The following PHEX variants were observed in gnomAD, a reference collection of about 807,000 sequenced individuals.
The protein encoded by PHEX is phosphate-regulating neutral endopeptidase PHEX.
A neutral mutation model predicts 68.0 loss-of-function variants in PHEX; 16 were observed. That is an observed-to-expected ratio of 0.24 (90% CI 0.16 to 0.36). The LOEUF (loss-of-function observed/expected upper bound fraction) is 0.36. PHEX is among the 10% of genes least tolerant of loss of function. The probability of loss-of-function intolerance (pLI) is 1.00; values close to 1 mark genes in which losing one functional copy is unlikely to be tolerated. For synonymous variants in PHEX, 208 were observed against 205.1 expected, an observed-to-expected ratio of 1.01 and a Z score of -0.12; for missense variants, 480 against 575.5, an observed-to-expected ratio of 0.83 and a Z score of 1.70.
intron 18 of PHEX, among the ~76,000 whole-genome samples, chrX:22,225,163 G>A (rs1021221806): frequency 3.7e-5 from 4 of 107,291 alleles, no homozygotes; most frequent in Admixed American, 1.0e-4. Context: ...AGCACTGGCC[G>A]GTGGAGTCTT....
chrX:22,153,132 T>C (rs1430788725), intron 12 of PHEX, among the ~76,000 whole-genome samples: 1 of 110,810 alleles, frequency 9.0e-6, no homozygotes, highest in Non-Finnish European at 1.9e-5. Flanking sequence ...ATTGGGACTA[T>C]AGGCATGCAC....
Position 22,065,941 on chromosome X carries a change from A to G in PHEX, c.350-10447A>G, listed in dbSNP as rs182800667. Among the ~76,000 whole-genome samples the G allele has an allele frequency of 4.4e-3, 494 of 111,713 alleles. 1 individual carries two copies. The highest frequency in any genetic ancestry group is 0.015 in the South Asian group (40 of 2,688). ...ACAGATTATGGGTCTCTCATTTCAA[A>G]TGTCTCCAGTTTTAACCCCGGCGGA... On this transcript the variant is annotated intron_variant, in intron 3 of 21. Coordinates refer to ENST00000379374, the MANE Select transcript of PHEX (RefSeq NM_000444.6).
At chrX:22,123,587 C>G (rs185181733) in intron 11 of PHEX, among the ~76,000 whole-genome samples, 26 of 111,160 alleles carry the variant, frequency 2.3e-4, no homozygotes, top group African/African-American at 7.8e-4. Context: ...GTGGCAACTT[C>G]TGCATTTAGA....
In PHEX at chrX:22,154,244, C is replaced by T. The variant is rs773773359; in HGVS notation, c.1405-14068C>T. ...GAGTTTTCTACATAAAGTGCACCTA[C>T]TAGCTTAGTAGTGGTGACTATTAGT... is the stretch of plus-strand genomic sequence containing the variant. On this transcript the variant is annotated intron_variant, in intron 12 of 21. Coordinates refer to ENST00000379374, the MANE Select transcript of PHEX (RefSeq NM_000444.6). Among the ~76,000 whole-genome samples the T allele has an allele frequency of 3.6e-5, 4 of 111,892 alleles. No homozygotes were observed. The South Asian group carries it at 1.5e-3, about 42-fold the overall frequency.
chrX:22,118,394 G>T (rs151076303), intron 11 of PHEX, among the ~76,000 whole-genome samples: 1,749 of 103,040 alleles, frequency 0.017, 77 homozygotes, highest in African/African-American at 0.06. Flanking sequence ...AGCAGGCCAG[G>T]CCAGTTGACA....
At chrX:22,080,970 C>T (rs747750347) in intron 5 of PHEX, among the ~76,000 whole-genome samples, 105 of 111,824 alleles carry the variant, frequency 9.4e-4, no homozygotes, top group Non-Finnish European at 1.8e-3. Flanking sequence ...AGGTTCCGAA[C>T]CTACTCTTCA....
At chrX:22,125,958 A>G (rs1213015093) in intron 11 of PHEX, among the ~76,000 whole-genome samples, 3 of 111,313 alleles carry the variant, frequency 2.7e-5, no homozygotes, top group Admixed American at 9.6e-5. Flanking sequence ...CTGTTAGCAT[A>G]TATGAAAGAT....
chrX:22,035,569 T>C (rs761187210), intron 1 of PHEX, among the ~76,000 whole-genome samples: 1 of 112,505 alleles, frequency 8.9e-6, no homozygotes, highest in Non-Finnish European at 1.9e-5. Flanking sequence ...TTTTCCTTTT[T>C]ATTTTTCCTG....
At chrX:22,123,038 G>A (rs1441104462) in intron 11 of PHEX, among the ~76,000 whole-genome samples, 1 of 99,026 alleles carries the variant, frequency 1.0e-5, no homozygotes, top group Non-Finnish European at 2.0e-5. Context: ...CCCCCAGGCT[G>A]GAGTGCAGTG....
chrX:22,188,600 T>C (rs1934104337), intron 14 of PHEX, among the ~76,000 whole-genome samples: 1 of 112,303 alleles, frequency 8.9e-6, no homozygotes, highest in African/African-American at 3.2e-5. Flanking sequence ...GTTTTTTGTT[T>C]TTGTTTTTTA....
intron 3 of PHEX, among the ~76,000 whole-genome samples, chrX:22,073,957 A>G (rs1252818899): frequency 1.8e-5 from 2 of 110,760 alleles, no homozygotes; most frequent in East Asian, 5.7e-4. Flanking sequence ...ATGAACTGCT[A>G]TTGTCCTTTG....
At chrX:22,067,458 G>A (rs775706520) in intron 3 of PHEX, among the ~76,000 whole-genome samples, 4 of 111,594 alleles carry the variant, frequency 3.6e-5, no homozygotes, top group African/African-American at 1.3e-4. Context: ...TGCAAGGAGG[G>A]TGTTTCCAAA....
intron 3 of PHEX, among the ~76,000 whole-genome samples, chrX:22,057,379 AG>A (rs1459125261): frequency 1.8e-5 from 2 of 111,434 alleles, no homozygotes; most frequent in Non-Finnish European, 3.8e-5. Context: ...CAAGGTGGGC[AG>A]ATCACTTGAA....
At chrX:22,235,798 C>T (rs1463087257) in intron 20 of PHEX, among the ~76,000 whole-genome samples, 2 of 110,988 alleles carry the variant, frequency 1.8e-5, no homozygotes, top group African/African-American at 6.6e-5. Context: ...CTGGATTATC[C>T]CAACAGCCTT....
intron 20 of PHEX, among the ~76,000 whole-genome samples, chrX:22,230,931 TCC>T (rs1935710981): frequency 1.8e-5 from 2 of 111,746 alleles, no homozygotes; most frequent in Non-Finnish European, 3.8e-5. Context: ...AAATAGCTCT[TCC>T]AATTTTGAGA....
intron 11 of PHEX, among the ~76,000 whole-genome samples, chrX:22,116,064 A>G (rs5951697): frequency 9.0e-6 from 1 of 111,715 alleles, no homozygotes; most frequent in Admixed American, 9.5e-5. Flanking sequence ...ACCAGTTTAC[A>G]TTCTTACCAA....
At position 22,168,380 on chromosome X, in the gene PHEX, C is replaced by A; in HGVS notation, c.1473C>A (p.Asp491Glu). ...FIMNDTHVNE[D>E]LKAIKFSEAD... Reference sequence around the variant, plus strand: ...TGAATGATACTCATGTTAATGAAGACCTCAAAGCTGTAAGTGCTAAATTTA... The same window carrying A: ...TGAATGATACTCATGTTAATGAAGAACTCAAAGCTGTAAGTGCTAAATTTA... Residue 491 changes from aspartate (D) to glutamate (E), a missense_variant, in exon 13 of 22, where the codon GAC becomes GAA. Transcript: ENST00000379374. 8.5e-7 allele frequency: 1 copy of A among 1,172,175 alleles called. No individual in the cohort carries two copies. Among genetic ancestry groups the A allele is most frequent in the East Asian group, 3.0e-5 (1 of 33,661 alleles).
chrX:22,152,545 T>C (rs2147103847), intron 12 of PHEX, among the ~76,000 whole-genome samples: 1 of 111,734 alleles, frequency 8.9e-6, no homozygotes, highest in Admixed American at 9.5e-5. Flanking sequence ...AGGAAAGAAA[T>C]CCAGTTTATT....
chrX:22,103,401 C>T (rs973169661), intron 9 of PHEX, among the ~76,000 whole-genome samples: 1 of 110,920 alleles, frequency 9.0e-6, no homozygotes, highest in Non-Finnish European at 1.9e-5. Context: ...TTGGTGTACC[C>T]ATCACCTGAG....
Sources: gnomAD v4.1 joint callset for allele counts (sites outside exome capture counted in the v4.1 genomes callset) on GRCh38, gnomAD v4.1.1 for gene constraint, MANE v1.5 for transcripts, NCBI Gene and HGNC (gene_info 2026-07-23, HGNC 2026-07-21) for gene names.